SLC4A4: variants seen among roughly 807,000 people sequenced by gnomAD.
The protein encoded by SLC4A4 is solute carrier family 4 member 4.
SLC4A4 carries 27 observed loss-of-function variants against 111.5 expected under a neutral mutation model. The ratio of observed to expected loss-of-function variants is 0.24; its 90% CI spans 0.18 to 0.33. The LOEUF is 0.33. Among genes scored for constraint, SLC4A4 ranks in the 10% least tolerant of loss-of-function variants. SLC4A4 has a pLI of 1.00. For synonymous variants in SLC4A4, 443 were observed against 463.4 expected, an observed-to-expected ratio of 0.96 and a Z score of 0.57; for missense variants, 909 against 1,315.5, an observed-to-expected ratio of 0.69 and a Z score of 4.78.
intron 4 of SLC4A4, among the ~76,000 whole-genome samples, chr4:71,345,194 C>T (rs1357725692): frequency 6.6e-6 from 1 of 152,034 alleles, no homozygotes; most frequent in African/African-American, 2.4e-5. Flanking sequence ...CCTGTGCTTC[C>T]ATTAAGAATG....
chr4:71,557,858 G>A lies in SLC4A4; in HGVS notation c.2910G>A (p.Thr970=), dbSNP rs140870493. 27 of 1,612,454 alleles carry A rather than the reference G, an allele frequency of 1.7e-5. No homozygotes were observed. The East Asian group carries it at 3.8e-4, about 23-fold the overall frequency. Residue 970 remains threonine, a synonymous_variant, in exon 22 of 26, where the codon ACG becomes ACA. Transcript: ENST00000264485. ...CLALLWILKS[T]VAAIIFPVMI... is the part of the protein sequence containing the mutation. Reference sequence around the variant, plus strand: ...CCCTGCTTTGGATCCTCAAGTCAACGGTGGCTGCTATCATTTTTCCAGTAA... The same window carrying A: ...CCCTGCTTTGGATCCTCAAGTCAACAGTGGCTGCTATCATTTTTCCAGTAA...
intron 16 of SLC4A4, among the ~76,000 whole-genome samples, chr4:71,504,059 G>A (rs1378321337): frequency 6.6e-6 from 1 of 152,110 alleles, no homozygotes; most frequent in Non-Finnish European, 1.5e-5. Context: ...GTGACTTGAT[G>A]CTTTTCTCTT....
At position 71,552,350 on chromosome 4, in the gene SLC4A4, T is replaced by TAC. The variant is rs376469983; in HGVS notation, c.2695-2776_2695-2775dup. Among the ~76,000 whole-genome samples the TAC allele has an allele frequency of 4.4e-3, 657 of 150,784 alleles. 7 individuals carry two copies. The highest frequency in any genetic ancestry group is 0.015 in the African/African-American group (602 of 41,292). On this transcript the variant is annotated intron_variant, in intron 20 of 25. Coordinates refer to ENST00000264485, the MANE Select transcript of SLC4A4 (RefSeq NM_001098484.3). ...TCGTTCTGGATTGTACATTCACATG[T>TAC]ACACACACACACACATACACACACA...
chr4:71,327,955 A>C (rs1323738188), intron 3 of SLC4A4, among the ~76,000 whole-genome samples: 1 of 151,936 alleles, frequency 6.6e-6, no homozygotes, highest in African/African-American at 2.4e-5. Context: ...TGTACCCATT[A>C]ACCATCCCCC....
intron 2 of SLC4A4, among the ~76,000 whole-genome samples, chr4:71,251,365 C>T (rs1721058718): frequency 6.6e-6 from 1 of 152,170 alleles, no homozygotes; most frequent in South Asian, 2.1e-4. Flanking sequence ...GATGAGTTAA[C>T]ATCATAGTAC....
intron 3 of SLC4A4, among the ~76,000 whole-genome samples, chr4:71,281,130 C>G (rs986166627): frequency 5.3e-5 from 8 of 152,172 alleles, no homozygotes; most frequent in African/African-American, 1.9e-4. Context: ...AATTTTGTTT[C>G]CTGACTTGCG....
intron 23 of SLC4A4, among the ~76,000 whole-genome samples, chr4:71,562,316 A>G (rs1578192259): frequency 6.6e-6 from 1 of 151,736 alleles, no homozygotes; most frequent in East Asian, 2.0e-4. Flanking sequence ...TGTTGAACTC[A>G]TTATTTAGGG....
chr4:71,163,234 T>C (rs1744655456), intron 2 of SLC4A4, among the ~76,000 whole-genome samples: 1 of 152,168 alleles, frequency 6.6e-6, no homozygotes, highest in South Asian at 2.1e-4. Flanking sequence ...CCAGTTTTAT[T>C]AGGTTGTCTA....
At chr4:71,148,361 A>G (rs1480946195) in intron 2 of SLC4A4, among the ~76,000 whole-genome samples, 1 of 152,114 alleles carries the variant, frequency 6.6e-6, no homozygotes, top group Non-Finnish European at 1.5e-5. Context: ...AAGAAACTGG[A>G]TCTCCAAACC....
At chr4:71,423,343 A>T (rs913080495) in intron 7 of SLC4A4, among the ~76,000 whole-genome samples, 3 of 152,196 alleles carry the variant, frequency 2.0e-5, no homozygotes, top group African/African-American at 7.2e-5. Context: ...AAAAGAGGAT[A>T]CAAACAAATG....
chr4:71,078,849 C>T (rs1459047195), intron 1 of SLC4A4, among the ~76,000 whole-genome samples: 1 of 151,728 alleles, frequency 6.6e-6, no homozygotes, highest in Non-Finnish European at 1.5e-5. Flanking sequence ...GACAGAGTCT[C>T]ACTCTGTTGC....
intron 7 of SLC4A4, among the ~76,000 whole-genome samples, chr4:71,418,299 A>G (rs767774298): frequency 1.3e-5 from 2 of 152,220 alleles, no homozygotes; most frequent in Non-Finnish European, 2.9e-5. Flanking sequence ...TCAAATTTTT[A>G]CCCTCAGCAT....
At chr4:71,132,742 C>T (rs1012074321) in intron 2 of SLC4A4, among the ~76,000 whole-genome samples, 3 of 152,194 alleles carry the variant, frequency 2.0e-5, no homozygotes, top group African/African-American at 4.8e-5. Context: ...AGCTGTGTGC[C>T]TAGTTGGAAT....
intron 3 of SLC4A4, among the ~76,000 whole-genome samples, chr4:71,318,088 A>G (rs1726831415): frequency 6.6e-6 from 1 of 152,050 alleles, no homozygotes; most frequent in Non-Finnish European, 1.5e-5. Flanking sequence ...GATGAATTGA[A>G]AGAATAAAAA....
chr4:71,291,916 G>A (rs1161169247), intron 3 of SLC4A4, among the ~76,000 whole-genome samples: 3 of 151,876 alleles, frequency 2.0e-5, no homozygotes, highest in African/African-American at 4.8e-5. Context: ...GGGTATAGTC[G>A]GTGTATCTAT....
chr4:71,230,635 A>T (rs925826470), intron 1 of SLC4A4, among the ~76,000 whole-genome samples: 8 of 152,206 alleles, frequency 5.3e-5, no homozygotes, highest in Middle Eastern at 3.2e-3. Context: ...TGGTATGGGC[A>T]TGTTAAACAC....
chr4:71,462,526 A>C (rs1461285285), intron 12 of SLC4A4, among the ~76,000 whole-genome samples: 1 of 147,276 alleles, frequency 6.8e-6, no homozygotes, highest in Non-Finnish European at 1.5e-5. Context: ...CTCCTGCCTC[A>C]GCCTCCTGAG....
Position 71,468,639 on chromosome 4 carries a change from G to A in SLC4A4, c.1631+2062G>A, listed in dbSNP as rs570610729. Among the ~76,000 whole-genome samples the A allele has an allele frequency of 2.2e-4, 33 of 151,822 alleles. No individual in the cohort carries two copies. The Middle Eastern group carries it at 0.01, about 47-fold the overall frequency. On this transcript the variant is annotated intron_variant, in intron 13 of 25. Transcript: ENST00000264485. ...ATCATTTGTTTATGTTATAGCAGCA[G>A]CAGTGATAATCTTCTGTCTAGATAC... is the stretch of plus-strand genomic sequence containing the variant.
At chr4:71,466,305 A>G (rs1272550763) in intron 12 of SLC4A4, 139 bp from the exon 13 acceptor site, 3 of 947,466 alleles carry the variant, frequency 3.2e-6, no homozygotes, top group Non-Finnish European at 3.2e-6. Flanking sequence ...TATGGGTAAA[A>G]GACTTTGTTC....
Sources: gnomAD v4.1 joint callset for allele counts (sites outside exome capture counted in the v4.1 genomes callset) on GRCh38, gnomAD v4.1.1 for gene constraint, MANE v1.5 for transcripts, NCBI Gene and HGNC (gene_info 2026-07-23, HGNC 2026-07-21) for gene names.